BBS9: variants seen among roughly 807,000 people sequenced by gnomAD.
The protein encoded by BBS9 is Bardet-Biedl syndrome 9.
A neutral mutation model predicts 117.7 loss-of-function variants in BBS9; 89 were observed. That is an observed-to-expected ratio of 0.76 (90% CI 0.64 to 0.90). The LOEUF (loss-of-function observed/expected upper bound fraction) is 0.90. Ranked by LOEUF, BBS9 falls within the 40% of genes least tolerant of loss-of-function variation. BBS9 has a pLI of 0.00. For synonymous variants in BBS9, 379 were observed against 370.9 expected (o/e 1.02, Z -0.25); for missense variants, 982 against 1,042.2 (o/e 0.94, Z 0.80).
At chr7:33,627,595 C>T (rs1382595979) in intron 21 of BBS9, among the ~76,000 whole-genome samples, 1 of 152,230 alleles carries the variant, frequency 6.6e-6, no homozygotes, top group Non-Finnish European at 1.5e-5. Context: ...GCCAAGGGGG[C>T]TGTACCCTGA....
At chr7:33,431,048 A>G (rs1834371088) in intron 19 of BBS9, among the ~76,000 whole-genome samples, 3 of 151,440 alleles carry the variant, frequency 2.0e-5, no homozygotes, top group Admixed American at 6.6e-5. Context: ...AAAAAAACTT[A>G]GACAGGCATG....
intron 19 of BBS9, among the ~76,000 whole-genome samples, chr7:33,470,208 T>G (rs1240290166): frequency 6.6e-6 from 1 of 152,132 alleles, no homozygotes; most frequent in Non-Finnish European, 1.5e-5. Context: ...AATATAGAAT[T>G]ACAAGAATAT....
chr7:33,630,534 G>C (rs984230761), intron 21 of BBS9, among the ~76,000 whole-genome samples: 16 of 152,164 alleles, frequency 1.1e-4, no homozygotes, highest in African/African-American at 3.6e-4. Flanking sequence ...CTCTCCTCGT[G>C]AGTTCAGTAA....
chr7:33,354,506 G>A (rs890613656), intron 15 of BBS9, among the ~76,000 whole-genome samples: 8 of 152,118 alleles, frequency 5.3e-5, no homozygotes, highest in African/African-American at 1.9e-4. Context: ...AGGAATCAAG[G>A]AAGTTCTGGC....
intron 19 of BBS9, among the ~76,000 whole-genome samples, chr7:33,473,208 A>G (rs1235813158): frequency 6.6e-6 from 1 of 152,238 alleles, no homozygotes; most frequent in Non-Finnish European, 1.5e-5. Flanking sequence ...TAGGAAGAAT[A>G]GTATTTTGAA....
chr7:33,449,684 C>A (rs933034817), intron 19 of BBS9, among the ~76,000 whole-genome samples: 5 of 152,134 alleles, frequency 3.3e-5, no homozygotes, highest in Non-Finnish European at 5.9e-5. Context: ...ACATATCTTT[C>A]TGTATGTAAC....
chr7:33,372,813 T>A (rs1823111651), intron 17 of BBS9, among the ~76,000 whole-genome samples: 1 of 152,178 alleles, frequency 6.6e-6, no homozygotes, highest in Non-Finnish European at 1.5e-5. Context: ...AGACTTTGTA[T>A]AACTGATTCA....
At chr7:33,527,266 T>C (rs1258101945) in intron 20 of BBS9, among the ~76,000 whole-genome samples, 2 of 152,234 alleles carry the variant, frequency 1.3e-5, no homozygotes, top group African/African-American at 4.8e-5. Context: ...TGAGTTGTGT[T>C]GGGCTCCCCC....
intron 21 of BBS9, among the ~76,000 whole-genome samples, chr7:33,564,539 T>C (rs1188695327): frequency 6.6e-6 from 1 of 152,204 alleles, no homozygotes; most frequent in East Asian, 1.9e-4. Context: ...ACCTAGCCCA[T>C]GGGAAATGTT....
chr7:33,428,527 A>T lies in BBS9; in HGVS notation c.2115+40383A>T, dbSNP rs190179489. On this transcript the variant is annotated intron_variant, in intron 19 of 22. Transcript: ENST00000242067. ...TTAAAAAGCAAAACAGGAGATAATT[A>T]TTCTTTTCTCTCTTCCTCCACCCCC... Among the ~76,000 whole-genome samples the T allele has an allele frequency of 2.0e-5, 3 of 152,234 alleles. No homozygotes were observed. In the East Asian group the frequency reaches 5.8e-4, roughly 29 times the overall value.
At chr7:33,546,894 C>T (rs906885567) in intron 21 of BBS9, among the ~76,000 whole-genome samples, 2 of 152,154 alleles carry the variant, frequency 1.3e-5, no homozygotes, top group African/African-American at 2.4e-5. Context: ...ACATTGATTC[C>T]ATGCCTCACC....
At chr7:33,249,958 G>A (rs909759687) in intron 5 of BBS9, among the ~76,000 whole-genome samples, 1 of 152,008 alleles carries the variant, frequency 6.6e-6, no homozygotes, top group Admixed American at 6.6e-5. Flanking sequence ...AGGGTGCATC[G>A]TATCTGTCAT....
chr7:33,531,843 C>G (rs552647077), intron 20 of BBS9, among the ~76,000 whole-genome samples: 14 of 152,318 alleles, frequency 9.2e-5, no homozygotes, highest in African/African-American at 3.1e-4. Flanking sequence ...ACAGCTATGC[C>G]TAGGCAGATG....
chr7:33,533,351 C>T (rs768453283), intron 20 of BBS9, among the ~76,000 whole-genome samples: 2 of 152,152 alleles, frequency 1.3e-5, no homozygotes, highest in Non-Finnish European at 2.9e-5. Context: ...GGTCATTTAC[C>T]GTCACCTGGA....
At chr7:33,445,238 A>G (rs1836816178) in intron 19 of BBS9, among the ~76,000 whole-genome samples, 2 of 152,198 alleles carry the variant, frequency 1.3e-5, no homozygotes, top group Admixed American at 6.5e-5. Flanking sequence ...GCTGAATGCA[A>G]ATGCTAGCGG....
chr7:33,357,921 C>T lies in BBS9; in HGVS notation c.1619C>T (p.Pro540Leu), dbSNP rs1189258650. 1.9e-6 allele frequency: 3 copies of T among 1,612,366 alleles called. No homozygotes were observed. Among genetic ancestry groups the T allele is most frequent in the Non-Finnish European group, 2.5e-6 (3 of 1,178,754 alleles). The change falls in exon 16 of 23, where the codon CCT (proline) becomes CTT (leucine). Residue 540 changes from proline (P) to leucine (L), a missense_variant. Physicochemically the swap from Pro to Leu is moderately conservative, Grantham distance 98. Coordinates refer to ENST00000242067, the MANE Select transcript of BBS9 (RefSeq NM_198428.3). ...PLKLICLPGQ[P>L]SKTASHKITI... ...AAGTTAATTTGCCTACCAGGTCAGCCTTCAAAAACTGCAAGCCACAAAATT... is the reference window on the plus strand; with the variant it reads ...AAGTTAATTTGCCTACCAGGTCAGCTTTCAAAAACTGCAAGCCACAAAATT...
chr7:33,313,010 T>C (rs1163821339), intron 9 of BBS9, among the ~76,000 whole-genome samples: 3 of 151,288 alleles, frequency 2.0e-5, no homozygotes, highest in African/African-American at 7.3e-5. Context: ...AGTAAAATAC[T>C]TTTCTATAAA....
chr7:33,308,201 C>A (rs553292525), intron 9 of BBS9, among the ~76,000 whole-genome samples: 1 of 152,170 alleles, frequency 6.6e-6, no homozygotes, highest in African/African-American at 2.4e-5. Context: ...TAGTAGGAAG[C>A]ATAGCAATAA....
intron 5 of BBS9, among the ~76,000 whole-genome samples, chr7:33,236,111 G>C (rs1429975853): frequency 6.6e-6 from 1 of 152,016 alleles, no homozygotes; most frequent in Non-Finnish European, 1.5e-5. Flanking sequence ...GTGATCACCT[G>C]AGGTTGGGAG....
Sources: gnomAD v4.1 joint callset for allele counts (sites outside exome capture counted in the v4.1 genomes callset) on GRCh38, gnomAD v4.1.1 for gene constraint, MANE v1.5 for transcripts, NCBI Gene and HGNC (gene_info 2026-07-23, HGNC 2026-07-21) for gene names.